Variants in PDK1 observed in about 807,000 individuals in gnomAD.
PDK1 encodes the protein [Pyruvate dehydrogenase (acetyl-transferring)] kinase isozyme 1, mitochondrial.
PDK1 carries 39 observed loss-of-function variants against 54.2 expected under a neutral mutation model. That is an observed-to-expected ratio of 0.72 (90% confidence interval 0.56 to 0.94). The LOEUF (loss-of-function observed/expected upper bound fraction) is 0.94. Among genes scored for constraint, PDK1 ranks in the 40% least tolerant of loss-of-function variants. The pLI, the probability that PDK1 is intolerant of heterozygous loss-of-function variation, is 0.00. For synonymous variants in PDK1, 221 were observed against 207.1 expected, an observed-to-expected ratio of 1.07 and a Z score of -0.58; for missense variants, 552 against 566.0, an observed-to-expected ratio of 0.98 and a Z score of 0.25.
chr2:172,633,381 CTTTTTTTTT>C, the PDK1 span, among the ~76,000 whole-genome samples: 12 of 103,988 alleles, frequency 1.2e-4, no homozygotes, highest in South Asian at 3.5e-4. Context: ...GATTTTCTTT[CTTTTTTTTT>C]TTTTTTTTTT....
the PDK1 span, among the ~76,000 whole-genome samples, chr2:172,668,933 AG>A: frequency 7.2e-6 from 1 of 139,164 alleles, no homozygotes; most frequent in African/African-American, 2.6e-5. Flanking sequence ...AGAGAGAGAG[AG>A]AGAGAAAGAG....
At chr2:172,574,135 A>G (rs938999565) in intron 8 of PDK1, among the ~76,000 whole-genome samples, 1 of 152,142 alleles carries the variant, frequency 6.6e-6, no homozygotes, top group African/African-American at 2.4e-5. Context: ...GTTCATCTTC[A>G]TTCTTTTGCA....
the PDK1 span, among the ~76,000 whole-genome samples, chr2:172,661,946 A>G: frequency 1.3e-5 from 2 of 152,262 alleles, no homozygotes; most frequent in African/African-American, 4.8e-5. Flanking sequence ...GTACACTCTG[A>G]GTCTAAAATA....
At chr2:172,576,715 T>C (rs1689605194) in intron 8 of PDK1, among the ~76,000 whole-genome samples, 1 of 152,188 alleles carries the variant, frequency 6.6e-6, no homozygotes, top group South Asian at 2.1e-4. Flanking sequence ...TCCTTTTGGA[T>C]TTTTCCCATT....
At chr2:172,714,305 G>A in the PDK1 span, among the ~76,000 whole-genome samples, 1 of 152,074 alleles carries the variant, frequency 6.6e-6, no homozygotes, top group Non-Finnish European at 1.5e-5. Flanking sequence ...AGTTTTATAT[G>A]CTCTATCTTA....
the PDK1 span, chr2:172,724,063 G>A: frequency 1.3e-5 from 2 of 152,052 alleles, no homozygotes; most frequent in South Asian, 4.2e-4. Flanking sequence ...TAACACCATG[G>A]TATTCTTTTG....
chr2:172,692,234 T>C, the PDK1 span, among the ~76,000 whole-genome samples: 61 of 152,360 alleles, frequency 4.0e-4, no homozygotes, highest in African/African-American at 1.4e-3. Context: ...ATTGGCTTTA[T>C]TATTCTTTAT....
chr2:172,564,730 G>A (rs1395985384), intron 4 of PDK1, 43 bp downstream of exon 4: 1 of 1,481,970 alleles, frequency 6.7e-7, no homozygotes, highest in African/African-American at 1.4e-5. Context: ...TAAATGAGAT[G>A]TGTTGGCATA....
chr2:172,576,738 T>C (rs1434847664), intron 8 of PDK1, among the ~76,000 whole-genome samples: 5 of 152,316 alleles, frequency 3.3e-5, no homozygotes, highest in African/African-American at 9.6e-5. Context: ...TTAATAGGAT[T>C]GTGTTGTTTA....
the PDK1 span, among the ~76,000 whole-genome samples, chr2:172,679,619 A>G: frequency 1.3e-5 from 2 of 152,232 alleles, no homozygotes; most frequent in Admixed American, 1.3e-4. Context: ...AGTGATGACC[A>G]TCATAGGGTG....
chr2:172,652,558 A>G, the PDK1 span, among the ~76,000 whole-genome samples: 5 of 152,366 alleles, frequency 3.3e-5, no homozygotes, highest in Middle Eastern at 3.4e-3. Flanking sequence ...ATGATTGTAC[A>G]TTTAGAAAAC....
intron 1 of PDK1, chr2:172,556,648 C>T: frequency 3.5e-6 from 1 of 289,694 alleles, no homozygotes; most frequent in Non-Finnish European, 6.4e-6. Flanking sequence ...GGCCAGGCCC[C>T]TTCCAAGGAG....
At chr2:172,657,443 TAAATGA>T in the PDK1 span, among the ~76,000 whole-genome samples, 1,971 of 145,460 alleles carry the variant, frequency 0.014, 10 homozygotes, top group Middle Eastern at 0.026. Flanking sequence ...ATACTGCTTT[TAAATGA>T]TGCTTATATT....
Position 172,604,809 on chromosome 2 carries a change from A to G in PDK1, c.*8840A>G, listed in dbSNP as rs1168334827. ...GAGTGTTACTGTTTTGTGCCACAATATGATGTGGCCAGACTACTTTTCTAG... is the reference window on the plus strand; with the variant it reads ...GAGTGTTACTGTTTTGTGCCACAATGTGATGTGGCCAGACTACTTTTCTAG... On this transcript the variant is annotated 3_prime_UTR_variant, in exon 11 of 11. Coordinates refer to ENST00000282077, the MANE Select transcript of PDK1 (RefSeq NM_002610.5). 1.3e-5 allele frequency: 2 copies of G among 152,250 alleles called. No homozygotes were observed. The highest frequency in any genetic ancestry group is 4.8e-5 in the African/African-American group (2 of 41,474). 9.4% of individuals were successfully genotyped at this position (152,250 alleles called of 1,614,324 possible).
the PDK1 span, among the ~76,000 whole-genome samples, chr2:172,643,104 A>C: frequency 6.6e-6 from 1 of 152,182 alleles, no homozygotes; most frequent in African/African-American, 2.4e-5. Context: ...AAGCGCTGGG[A>C]GTCTTCCCTT....
chr2:172,566,590 G>A (rs1688957763), intron 5 of PDK1, among the ~76,000 whole-genome samples: 1 of 151,864 alleles, frequency 6.6e-6, no homozygotes, highest in African/African-American at 2.4e-5. Context: ...CCCTGGTTGG[G>A]GGCAGTGGTT....
the PDK1 span, among the ~76,000 whole-genome samples, chr2:172,652,017 AAAG>A: frequency 6.6e-6 from 1 of 152,240 alleles, no homozygotes. Flanking sequence ...CACAACAAAA[AAAG>A]AGAATTTTAG....
intron 8 of PDK1, among the ~76,000 whole-genome samples, chr2:172,585,933 A>G (rs937030778): frequency 2.0e-5 from 3 of 152,108 alleles, no homozygotes; most frequent in African/African-American, 7.2e-5. Flanking sequence ...TGGGAGGCCA[A>G]GACAGGCAGA....
At chr2:172,706,245 G>A in the PDK1 span, among the ~76,000 whole-genome samples, 1 of 151,504 alleles carries the variant, frequency 6.6e-6, no homozygotes, top group African/African-American at 2.4e-5. Flanking sequence ...CAAGGCTACA[G>A]TGTAAAACCT....
Sources: allele counts gnomAD v4.1 joint callset (sites outside exome capture counted in the v4.1 genomes callset), GRCh38; gene constraint gnomAD v4.1.1; transcripts MANE v1.5; gene names NCBI Gene and HGNC (gene_info 2026-07-23, HGNC 2026-07-21).